EIF4ENIF1: variants seen among roughly 807,000 people sequenced by gnomAD.
EIF4ENIF1 encodes eukaryotic translation initiation factor 4E nuclear import factor 1.
Under a neutral mutation model 110.5 loss-of-function variants are expected in EIF4ENIF1, and 23 were observed. The ratio of observed to expected loss-of-function variants is 0.21; its 90% CI spans 0.15 to 0.29. EIF4ENIF1 has a LOEUF of 0.29. Ranked by LOEUF, EIF4ENIF1 falls within the 10% of genes least tolerant of loss-of-function variation. The probability of loss-of-function intolerance (pLI) is 1.00; values close to 1 mark genes in which losing one functional copy is unlikely to be tolerated. For synonymous variants in EIF4ENIF1, 440 were observed against 437.0 expected (o/e 1.01, Z -0.09); for missense variants, 1,031 against 1,221.1 (o/e 0.84, Z 2.32).
downstream of EIF4ENIF1, chr22:31,437,591 T>C (rs924452640): frequency 1.3e-5 from 2 of 152,108 alleles, no homozygotes; most frequent in African/African-American, 4.8e-5. Flanking sequence ...CACCAGCTAA[T>C]GGCTTTGCTC....
chr22:31,489,540 G>A (rs1415349047), intron 1 of EIF4ENIF1, 154 bp downstream of exon 1: 1 of 148,324 alleles, frequency 6.7e-6, no homozygotes, highest in Admixed American at 6.7e-5. Context: ...CGGCCGCCTT[G>A]CGGGCCTCGC....
intron 6 of EIF4ENIF1, 21 bp downstream of exon 6, chr22:31,462,911 C>G: frequency 1.2e-6 from 2 of 1,611,284 alleles, no homozygotes; most frequent in Non-Finnish European, 1.7e-6. Flanking sequence ...AGCGAACTTC[C>G]CTCCCAAAGT....
chr22:31,483,197 C>A (rs2051888678), intron 2 of EIF4ENIF1, among the ~76,000 whole-genome samples: 1 of 146,234 alleles, frequency 6.8e-6, no homozygotes. Flanking sequence ...AGCACCACTG[C>A]CAGGAGACGA....
intron 2 of EIF4ENIF1, among the ~76,000 whole-genome samples, chr22:31,485,190 T>C (rs1447037011): frequency 6.6e-6 from 1 of 152,220 alleles, no homozygotes; most frequent in African/African-American, 2.4e-5. Context: ...AGTAAACCTA[T>C]TTCCAATTAA....
In EIF4ENIF1 at chr22:31,449,432, C is replaced by G; in HGVS notation, c.1684G>C (p.Ala562Pro). ...ACCTGTGACAAGGGAGGAGAGGGTG[C>G]TCTTTGGCCCAGTAAAGATGTTGTA... ...EPTTSLLGQR[A>P]PSPPLSQVFQ... Residue 562 changes from alanine to proline, a missense_variant, in exon 12 of 19, where the codon GCA (alanine) becomes CCA (proline). Ala to Pro is a conservative substitution (Grantham distance 27, BLOSUM62 -1). Coordinates refer to ENST00000330125, the MANE Select transcript of EIF4ENIF1 (RefSeq NM_019843.4). 6.2e-7 allele frequency: 1 copy of G among 1,614,152 alleles called. No homozygotes were observed. The highest frequency in any genetic ancestry group is 8.5e-7 in the Non-Finnish European group (1 of 1,180,032).
chr22:31,456,392 T>G (rs1189281491), intron 7 of EIF4ENIF1, among the ~76,000 whole-genome samples: 2 of 151,550 alleles, frequency 1.3e-5, no homozygotes, highest in East Asian at 3.9e-4. Flanking sequence ...CCCGGCTAAT[T>G]TTTTGTATTT....
At chr22:31,448,349 T>C (rs2050541848) in intron 12 of EIF4ENIF1, 117 bp from the exon 13 acceptor site, 4 of 1,024,028 alleles carry the variant, frequency 3.9e-6, no homozygotes, top group Non-Finnish European at 6.1e-6. Flanking sequence ...CACTGATTTA[T>C]TGGGCTGACA....
intron 10 of EIF4ENIF1, chr22:31,450,874 C>G (rs1185601335): frequency 6.1e-6 from 1 of 164,432 alleles, no homozygotes; most frequent in East Asian, 1.8e-4. Flanking sequence ...CACACACACA[C>G]ACACACACAC....
chr22:31,477,374 A>C (rs1267707856), intron 2 of EIF4ENIF1, among the ~76,000 whole-genome samples: 50 of 126,622 alleles, frequency 3.9e-4, no homozygotes, highest in Non-Finnish European at 6.1e-4. Flanking sequence ...AAAAAAAAAA[A>C]CAAAAAAAAC....
At chr22:31,442,203 T>A in intron 16 of EIF4ENIF1, 85 bp from the exon 17 acceptor site, 1 of 1,076,054 alleles carries the variant, frequency 9.3e-7, no homozygotes, top group Non-Finnish European at 1.4e-6. Context: ...TCTCATTTCT[T>A]AAGGTCACAA....
rs536639947 is a variant in EIF4ENIF1 at position 31,483,570 on chromosome 22, T to G, written c.96+5053A>C. Reference sequence around the variant, plus strand: ...CCAGAGCCAGAATCCCCTGAAGAGCTTGTTAAATGCAGACGGTTAAGCTCT... The same window carrying G: ...CCAGAGCCAGAATCCCCTGAAGAGCGTGTTAAATGCAGACGGTTAAGCTCT... On this transcript the variant is annotated intron_variant, in intron 2 of 18. Transcript: ENST00000330125. Among the ~76,000 whole-genome samples, 4 of 152,164 alleles carry G rather than the reference T, an allele frequency of 2.6e-5. No homozygotes were observed. The South Asian group carries it at 8.3e-4, about 32-fold the overall frequency.
At chr22:31,440,403 G>C (rs956292366) in intron 18 of EIF4ENIF1, among the ~76,000 whole-genome samples, 2 of 152,222 alleles carry the variant, frequency 1.3e-5, no homozygotes, top group South Asian at 4.1e-4. Flanking sequence ...AACTGGTGAG[G>C]GGGTATATAC....
At chr22:31,464,705 T>A (rs371905089) in intron 4 of EIF4ENIF1, among the ~76,000 whole-genome samples, 1,704 of 50,010 alleles carry the variant, frequency 0.034, 34 homozygotes, top group Middle Eastern at 0.053. Flanking sequence ...AAAAAATATA[T>A]ATATATATAT....
intron 10 of EIF4ENIF1, chr22:31,450,739 C>CAT (rs1428820921): frequency 1.5e-4 from 40 of 261,042 alleles, no homozygotes; most frequent in African/African-American, 8.8e-4. Context: ...CACACACACA[C>CAT]ACTCATATAT....
chr22:31,486,803 G>C (rs1178141078), intron 2 of EIF4ENIF1, among the ~76,000 whole-genome samples: 1 of 151,132 alleles, frequency 6.6e-6, no homozygotes, highest in Non-Finnish European at 1.5e-5. Context: ...TGGAACGGCT[G>C]GGCGCAGTGG....
chr22:31,492,015 C>T (rs1259573273), upstream of EIF4ENIF1, among the ~76,000 whole-genome samples: 1 of 152,128 alleles, frequency 6.6e-6, no homozygotes, highest in African/African-American at 2.4e-5. Context: ...GTGGGGGCAG[C>T]CCAAAGGCTG....
At chr22:31,440,980 G>T in intron 17 of EIF4ENIF1, 112 bp from the exon 18 acceptor site, 1 of 1,411,866 alleles carries the variant, frequency 7.1e-7, no homozygotes, top group Non-Finnish European at 9.7e-7. Flanking sequence ...GAAGGGCTCT[G>T]CGCAGTGGCT....
intron 12 of EIF4ENIF1, among the ~76,000 whole-genome samples, chr22:31,448,507 G>C (rs1316074697): frequency 6.6e-6 from 1 of 152,182 alleles, no homozygotes; most frequent in Non-Finnish European, 1.5e-5. Context: ...CTAGCCAGCA[G>C]TTTGTCCCGT....
intron 15 of EIF4ENIF1, chr22:31,443,539 T>A (rs1044516701): frequency 6.4e-6 from 1 of 156,010 alleles, no homozygotes; most frequent in African/African-American, 2.4e-5. Context: ...GGATTAATCA[T>A]TTGGAGTCAT....
Sources: gnomAD v4.1 joint callset for allele counts (sites outside exome capture counted in the v4.1 genomes callset) on GRCh38, gnomAD v4.1.1 for gene constraint, MANE v1.5 for transcripts, NCBI Gene and HGNC (gene_info 2026-07-23, HGNC 2026-07-21) for gene names.